LBR: variants seen among roughly 807,000 people sequenced by gnomAD.
LBR encodes lamin B receptor.
Under a neutral mutation model 74.3 loss-of-function variants are expected in LBR, and 28 were observed. The observed-to-expected ratio is 0.38, with a 90% CI of 0.28 to 0.52. The LOEUF (loss-of-function observed/expected upper bound fraction) is 0.52, where lower values mean the gene tolerates loss of function less well. Ranked by LOEUF, LBR falls within the 20% of genes least tolerant of loss-of-function variation. The pLI is 0.89. For missense variants in LBR, 717 were observed against 760.3 expected, an observed-to-expected ratio of 0.94 and a Z score of 0.67; for synonymous variants, 228 against 269.3, an observed-to-expected ratio of 0.85 and a Z score of 1.50.
intron 1 of LBR, among the ~76,000 whole-genome samples, chr1:225,425,048 TTCA>T (rs2096136371): frequency 6.6e-6 from 1 of 152,184 alleles, no homozygotes; most frequent in Admixed American, 6.5e-5. Context: ...CCAAATCACC[TTCA>T]TTTCACCAAC....
chr1:225,412,440 T>G lies in LBR; in HGVS notation c.1084+14A>C, dbSNP rs758737507. ...GGGACGCATTCATCCAACATGCAATTCATCACTGCTCACCAGAGCTGGCAG... is the reference window on the plus strand; with the variant it reads ...GGGACGCATTCATCCAACATGCAATGCATCACTGCTCACCAGAGCTGGCAG... On this transcript the variant is annotated intron_variant, in intron 8 of 13. Coordinates refer to ENST00000272163, the MANE Select transcript of LBR (RefSeq NM_002296.4). 5 of 1,613,440 alleles carry G rather than the reference T, an allele frequency of 3.1e-6. No homozygotes were observed. The South Asian group carries it at 5.5e-5, about 18-fold the overall frequency.
chr1:225,412,617 T>G lies in LBR; in HGVS notation c.921A>C (p.Ala307=), dbSNP rs2096108482. The G allele has an allele frequency of 6.2e-7, 1 of 1,610,106 alleles. No homozygotes were observed. Among genetic ancestry groups the G allele is most frequent in the Admixed American group, 1.7e-5 (1 of 59,558 alleles). The part of the protein sequence containing the change: ...NGFYAFILTS[A]VIGTSLFQGV... ...CCTGGAAGAGAGATGTTCCGATGAC[T>G]GCAGATGTCAGGATAAAAGCATAGA... Residue 307 remains alanine, a synonymous_variant, in exon 8 of 14, where the codon GCA becomes GCC. Coordinates refer to ENST00000272163, the MANE Select transcript of LBR (RefSeq NM_002296.4).
chr1:225,410,273 G>T lies in LBR; in HGVS notation c.1314+18C>A. The T allele has an allele frequency of 6.8e-6, 11 of 1,613,672 alleles. No homozygotes were observed. The highest frequency in any genetic ancestry group is 9.3e-6 in the Non-Finnish European group (11 of 1,179,806). The stretch of plus-strand genomic sequence containing the variant: ...AAAGCCATCTGACTCCAAGGCCTCG[G>T]CTCTTAAAATTAATTACCTCATTCC... On this transcript the variant is annotated intron_variant, in intron 10 of 13. Transcript: ENST00000272163.
intron 8 of LBR, 41 bp from the exon 9 acceptor site, chr1:225,411,481 C>G (rs1280370184): frequency 6.1e-6 from 9 of 1,470,048 alleles, no homozygotes; most frequent in Non-Finnish European, 8.6e-6. Flanking sequence ...CATTCCAAAC[C>G]CAGTCAGGAG....
chr1:225,420,036 G>A (rs1199965927), intron 3 of LBR, among the ~76,000 whole-genome samples: 5 of 152,098 alleles, frequency 3.3e-5, no homozygotes, highest in African/African-American at 1.2e-4. Context: ...GGCCAGGCAC[G>A]GTGGCTCACA....
rs1404155572 is a variant in LBR at position 225,403,177 on chromosome 1, C to T, written c.*126G>A. On this transcript the variant is annotated 3_prime_UTR_variant, in exon 14 of 14. Transcript: ENST00000272163. Reference sequence around the variant, plus strand: ...CAACTACTCGGCTCCATAGTCCTGACTCAAAAAGAAAAAAAAAAGTACAGA... The same window carrying T: ...CAACTACTCGGCTCCATAGTCCTGATTCAAAAAGAAAAAAAAAAGTACAGA... 1.2e-6 allele frequency: 1 copy of T among 862,308 alleles called. No individual in the cohort carries two copies. The highest frequency in any genetic ancestry group is 1.9e-6 in the Non-Finnish European group (1 of 523,452). The allele number at this position is 862,308 out of a possible 1,614,324, so 53.4% of individuals were successfully genotyped here.
intron 10 of LBR, among the ~76,000 whole-genome samples, chr1:225,407,477 T>C (rs915004975): frequency 2.6e-5 from 4 of 152,232 alleles, no homozygotes; most frequent in African/African-American, 7.2e-5. Context: ...CCTGGCAACA[T>C]GGTGAACTGA....
At chr1:225,421,631 C>T (rs1184218153) in intron 3 of LBR, among the ~76,000 whole-genome samples, 8 of 152,250 alleles carry the variant, frequency 5.3e-5, no homozygotes, top group East Asian at 1.9e-4. Context: ...AGGCTCCATG[C>T]ACCCTGATAT....
Position 225,414,373 on chromosome 1 carries a change from CCATTA to C in LBR, c.892+900_892+904del, listed in dbSNP as rs1183871523. Among the ~76,000 whole-genome samples, 5 of 152,204 alleles carry C rather than the reference CCATTA, an allele frequency of 3.3e-5. No individual in the cohort carries two copies. The South Asian group carries it at 6.2e-4, about 19-fold the overall frequency. ...AGAATTGAAAGGATAAAAAGTTCAACCATTACAATACATAATGTAATTCTCAAGAA... is the reference window on the plus strand; with the variant it reads ...AGAATTGAAAGGATAAAAAGTTCAACCAATACATAATGTAATTCTCAAGAA... On this transcript the variant is annotated intron_variant, in intron 7 of 13. Coordinates refer to ENST00000272163, the MANE Select transcript of LBR (RefSeq NM_002296.4).
In LBR at chr1:225,403,548, A is replaced by G. The variant is rs1028947164; in HGVS notation, c.1688-85T>C. The G allele has an allele frequency of 3.0e-5, 32 of 1,050,448 alleles. No homozygotes were observed. In the African/African-American group the frequency reaches 4.8e-4, roughly 16 times the overall value. The allele number at this position is 1,050,448 out of a possible 1,614,324, so 65.1% of individuals were successfully genotyped here. ...TCCTGCTTTCCCCCAAATTCTCTAA[A>G]AATGGAACCACAAGGTACTTCATTT... On this transcript the variant is annotated intron_variant, in intron 13 of 13. Transcript: ENST00000272163.
intron 4 of LBR, 96 bp from the exon 5 acceptor site, chr1:225,419,548 T>C: frequency 1.0e-6 from 1 of 979,974 alleles, no homozygotes; most frequent in Non-Finnish European, 1.6e-6. Flanking sequence ...AGCTATACAC[T>C]AGTAAGAATA....
At chr1:225,428,248 G>A (rs2096145192), upstream of LBR, among the ~76,000 whole-genome samples, 1 of 152,190 alleles carries the variant, frequency 6.6e-6, no homozygotes, top group East Asian at 2.0e-4. Context: ...CACCCTGCCT[G>A]GGGGCGGGGA....
At chr1:225,419,678 A>C in intron 4 of LBR, 37 bp downstream of exon 4, 3 of 1,516,480 alleles carry the variant, frequency 2.0e-6, no homozygotes, top group Non-Finnish European at 2.7e-6. Flanking sequence ...AAAAAGAAAA[A>C]AAAAAACAAC....
intron 10 of LBR, among the ~76,000 whole-genome samples, chr1:225,409,119 A>C (rs933872875): frequency 6.6e-6 from 1 of 152,002 alleles, no homozygotes; most frequent in Non-Finnish European, 1.5e-5. Context: ...TTTAATTTCA[A>C]AAACATGTTT....
At chr1:225,405,949 TAA>T (rs929068198) in intron 11 of LBR, among the ~76,000 whole-genome samples, 1 of 152,196 alleles carries the variant, frequency 6.6e-6, no homozygotes, top group African/African-American at 2.4e-5. Context: ...ACCTCTAGTA[TAA>T]GTGTTTAGTG....
chr1:225,413,976 AAC>A (rs1287008535), intron 7 of LBR: 2 of 456,676 alleles, frequency 4.4e-6, no homozygotes, highest in Non-Finnish European at 8.8e-6. Flanking sequence ...CCTACAGAGA[AAC>A]ACACAAAACA....
At chr1:225,422,009 C>T in intron 3 of LBR, 68 bp downstream of exon 3, 1 of 1,422,194 alleles carries the variant, frequency 7.0e-7, no homozygotes, top group Non-Finnish European at 9.9e-7. Flanking sequence ...TTATTAACTG[C>T]AAGTAACTTG....
intron 11 of LBR, among the ~76,000 whole-genome samples, chr1:225,405,731 G>A (rs776613608): frequency 1.3e-5 from 2 of 152,190 alleles, no homozygotes; most frequent in African/African-American, 2.4e-5. Flanking sequence ...TGTTCGAGCA[G>A]CACAAAACAA....
chr1:225,410,474 T>C, intron 9 of LBR, 58 bp from the exon 10 acceptor site: 1 of 1,577,684 alleles, frequency 6.3e-7, no homozygotes, highest in East Asian at 2.2e-5. Context: ...ACCTTAGCAC[T>C]ACAAAGGCAT....
Sources: gnomAD v4.1 joint callset for allele counts (sites outside exome capture counted in the v4.1 genomes callset) on GRCh38, gnomAD v4.1.1 for gene constraint, MANE v1.5 for transcripts, NCBI Gene and HGNC (gene_info 2026-07-23, HGNC 2026-07-21) for gene names.